E2F3: variants seen among roughly 807,000 people sequenced by gnomAD.
E2F3 encodes the protein E2F transcription factor 3.
A neutral mutation model predicts 44.4 loss-of-function variants in E2F3; 11 were observed. The observed-to-expected ratio is 0.25, with a 90% CI of 0.16 to 0.41. The LOEUF (loss-of-function observed/expected upper bound fraction) is 0.41. Ranked by LOEUF, E2F3 falls within the 10% of genes least tolerant of loss-of-function variation. E2F3 has a pLI of 1.00. For missense variants in E2F3, 487 were observed against 583.6 expected (o/e 0.83, Z 1.70); for synonymous variants, 249 against 253.0 (o/e 0.98, Z 0.15).
At chr6:20,403,568 G>A (rs1203891388) in intron 1 of E2F3, 1 of 449,924 alleles carries the variant, frequency 2.2e-6, no homozygotes, top group East Asian at 3.8e-5. Context: ...GACTGGGGAG[G>A]AGGCGGCGGC....
At chr6:20,437,621 A>G (rs1760634176) in intron 1 of E2F3, among the ~76,000 whole-genome samples, 1 of 152,204 alleles carries the variant, frequency 6.6e-6, no homozygotes, top group Non-Finnish European at 1.5e-5. Context: ...TGCATTTTAG[A>G]ACCCTATTTT....
In E2F3 at chr6:20,458,741, G is replaced by A. The variant is rs563894119; in HGVS notation, c.394-21105G>A. Among the ~76,000 whole-genome samples the A allele has an allele frequency of 6.6e-5, 10 of 152,270 alleles. No homozygotes were observed. In the South Asian group the frequency reaches 1.0e-3, roughly 16 times the overall value. Reference sequence around the variant, plus strand: ...AGTGTTGCTTTTTTGTGTGGAGATTGCATTTTTAATATTCTGTTCCCCAGA... The same window carrying A: ...AGTGTTGCTTTTTTGTGTGGAGATTACATTTTTAATATTCTGTTCCCCAGA... On this transcript the variant is annotated intron_variant, in intron 1 of 6. Coordinates refer to ENST00000346618, the MANE Select transcript of E2F3 (RefSeq NM_001949.5).
intron 1 of E2F3, among the ~76,000 whole-genome samples, chr6:20,477,179 G>T (rs554522897): frequency 1.1e-4 from 17 of 152,116 alleles, no homozygotes; most frequent in African/African-American, 2.9e-4. Context: ...TTGCTACGTT[G>T]ATCAGGCTGG....
chr6:20,442,798 C>T (rs568271963), intron 1 of E2F3, among the ~76,000 whole-genome samples: 10 of 152,050 alleles, frequency 6.6e-5, no homozygotes, highest in African/African-American at 2.2e-4. Context: ...GGTGAAACCC[C>T]GTCTCTACTA....
At chr6:20,478,825 C>A (rs1333129512) in intron 1 of E2F3, among the ~76,000 whole-genome samples, 1 of 152,118 alleles carries the variant, frequency 6.6e-6, no homozygotes, top group Admixed American at 6.6e-5. Flanking sequence ...AAAGAAACTG[C>A]AAATCTCCTC....
At chr6:20,428,613 G>T (rs953543800) in intron 1 of E2F3, among the ~76,000 whole-genome samples, 5 of 152,194 alleles carry the variant, frequency 3.3e-5, no homozygotes, top group Admixed American at 1.3e-4. Context: ...CCAATGTTGG[G>T]AATGTAGACA....
chr6:20,469,489 T>C (rs981977743), intron 1 of E2F3, among the ~76,000 whole-genome samples: 2 of 152,246 alleles, frequency 1.3e-5, no homozygotes, highest in Non-Finnish European at 2.9e-5. Flanking sequence ...GTTTTTTAAT[T>C]GTCTTAAATT....
intron 1 of E2F3, among the ~76,000 whole-genome samples, chr6:20,439,067 A>G (rs550456938): frequency 1.7e-3 from 265 of 152,322 alleles, no homozygotes; most frequent in Non-Finnish European, 3.3e-3. Context: ...TATAAAAGAG[A>G]TTTAGAAGTT....
chr6:20,402,206 T>C lies in E2F3; in HGVS notation c.-27T>C, dbSNP rs1351456346. ...TTGAAAACAATACATTAATATACCA[T>C]AACACTAAAAAGAGCAGGAGCGAGA... On this transcript the variant is annotated 5_prime_UTR_variant, in exon 1 of 7. Coordinates refer to ENST00000346618, the MANE Select transcript of E2F3 (RefSeq NM_001949.5). The surrounding 1 kb of genome is among the most constrained non-coding windows in gnomAD (Gnocchi z 5.6). The C allele has an allele frequency of 4.5e-6, 7 of 1,565,510 alleles. No homozygotes were observed. The highest frequency in any genetic ancestry group is 6.0e-6 in the Non-Finnish European group (7 of 1,164,884).
At chr6:20,419,766 G>A (rs866816820) in intron 1 of E2F3, among the ~76,000 whole-genome samples, 7 of 151,872 alleles carry the variant, frequency 4.6e-5, no homozygotes, top group South Asian at 2.1e-4. Flanking sequence ...GGGTTTCACC[G>A]TGTTGCCCAG....
At chr6:20,470,688 C>T (rs1455506800) in intron 1 of E2F3, among the ~76,000 whole-genome samples, 7 of 152,198 alleles carry the variant, frequency 4.6e-5, no homozygotes, top group Non-Finnish European at 7.3e-5. Context: ...AGTTCTATCC[C>T]TTTCCTGATC....
intron 6 of E2F3, among the ~76,000 whole-genome samples, chr6:20,488,663 C>CA (rs1285416973): frequency 6.6e-6 from 1 of 151,938 alleles, no homozygotes; most frequent in East Asian, 1.9e-4. Flanking sequence ...ATTTTCCCCC[C>CA]CAATGAGATG....
rs925017653 is a variant in E2F3 at position 20,424,655 on chromosome 6, GCTT to G, written c.393+22036_393+22038del. ...GCTTACTTGCATTTTTACAAATTGA[GCTT>G]CTTCTCCCCCATCCACTGTGAGTTT... On this transcript the variant is annotated intron_variant, in intron 1 of 6. Coordinates refer to ENST00000346618, the MANE Select transcript of E2F3 (RefSeq NM_001949.5). Among the ~76,000 whole-genome samples, 18 of 151,418 alleles carry G rather than the reference GCTT, an allele frequency of 1.2e-4. 1 individual carries two copies. The highest frequency in any genetic ancestry group is 2.5e-4 in the Non-Finnish European group (17 of 67,912).
chr6:20,434,674 G>A (rs1319941223), intron 1 of E2F3, among the ~76,000 whole-genome samples: 1 of 152,158 alleles, frequency 6.6e-6, no homozygotes, highest in East Asian at 1.9e-4. Context: ...GTATAGTACA[G>A]CTTTGCTTCT....
intron 1 of E2F3, among the ~76,000 whole-genome samples, chr6:20,470,046 A>G (rs1761839638): frequency 6.6e-6 from 1 of 152,092 alleles, no homozygotes; most frequent in Non-Finnish European, 1.5e-5. Flanking sequence ...CTCACTACTC[A>G]CAAGCACCTC....
rs1762582928 is a variant in E2F3 at position 20,492,547 on chromosome 6, A to G, written c.*2117A>G. The G allele has an allele frequency of 4.3e-6, 1 of 233,182 alleles. No homozygotes were observed. Among genetic ancestry groups the G allele is most frequent in the Non-Finnish European group, 8.5e-6 (1 of 117,752 alleles). The allele number at this position is 233,182 out of a possible 1,614,324, so 14.4% of individuals were successfully genotyped here. On this transcript the variant is annotated 3_prime_UTR_variant, in exon 7 of 7. Coordinates refer to ENST00000346618, the MANE Select transcript of E2F3 (RefSeq NM_001949.5). ...TTTCCCATATTTATCTCATCTGGTT[A>G]GCTGCCTCTGCTTCCAGCTTTGTGT...
intron 4 of E2F3, 135 bp downstream of exon 4, chr6:20,483,055 A>C: frequency 7.7e-7 from 1 of 1,296,830 alleles, no homozygotes; most frequent in Admixed American, 2.0e-5. Context: ...CTGTGTGTGT[A>C]TGTGTGTGTG....
chr6:20,482,636 A>T, intron 3 of E2F3, 126 bp from the exon 4 acceptor site: 2 of 599,654 alleles, frequency 3.3e-6, no homozygotes, highest in Non-Finnish European at 5.3e-6. Context: ...AAATGTTCTA[A>T]TTTTAACACT....
chr6:20,411,395 C>T (rs892309830), intron 1 of E2F3, among the ~76,000 whole-genome samples: 2 of 151,952 alleles, frequency 1.3e-5, no homozygotes, highest in Admixed American at 6.6e-5. Flanking sequence ...CTCCCTTTTC[C>T]CTTCTCATCT....
Sources: allele counts gnomAD v4.1 joint callset (sites outside exome capture counted in the v4.1 genomes callset), GRCh38; gene constraint gnomAD v4.1.1; non-coding constraint Gnocchi (gnomAD v3.1); transcripts MANE v1.5; gene names NCBI Gene and HGNC (gene_info 2026-07-23, HGNC 2026-07-21).